Variants in GOLM2 observed in about 807,000 individuals in gnomAD.
GOLM2 encodes the protein protein GOLM2.
A neutral mutation model predicts 55.9 loss-of-function variants in GOLM2; 26 were observed. That is an observed-to-expected ratio of 0.47 (90% confidence interval 0.34 to 0.65). The LOEUF (loss-of-function observed/expected upper bound fraction) is 0.65. Among genes scored for constraint, GOLM2 ranks in the 30% least tolerant of loss-of-function variants. GOLM2 has a pLI of 0.01. For synonymous variants in GOLM2, 165 were observed against 194.6 expected (o/e 0.85, Z 1.27); for missense variants, 486 against 531.8 (o/e 0.91, Z 0.85).
At chr15:44,329,590 CT>C (rs2079007930) in intron 3 of GOLM2, among the ~76,000 whole-genome samples, 1 of 152,062 alleles carries the variant, frequency 6.6e-6, no homozygotes, top group Non-Finnish European at 1.5e-5. Context: ...AGGAGTTTTC[CT>C]TTTCTCACTT....
chr15:44,373,373 C>T (rs982106632), intron 6 of GOLM2, among the ~76,000 whole-genome samples: 11 of 151,374 alleles, frequency 7.3e-5, no homozygotes, highest in Non-Finnish European at 1.2e-4. Flanking sequence ...AGGAGAATGG[C>T]GTGAACCCGG....
At chr15:44,367,455 T>C (rs1313876387) in intron 6 of GOLM2, among the ~76,000 whole-genome samples, 2 of 152,194 alleles carry the variant, frequency 1.3e-5, no homozygotes, top group Non-Finnish European at 2.9e-5. Context: ...TTGCCAGATA[T>C]AGAAATCTGG....
chr15:44,311,042 A>G (rs1351998804), intron 1 of GOLM2, among the ~76,000 whole-genome samples: 1 of 152,000 alleles, frequency 6.6e-6, no homozygotes, highest in African/African-American at 2.4e-5. Context: ...CAAAACGAAC[A>G]AGCAAAAAAC....
At chr15:44,356,288 C>G (rs2079197864) in intron 6 of GOLM2, among the ~76,000 whole-genome samples, 1 of 151,800 alleles carries the variant, frequency 6.6e-6, no homozygotes, top group African/African-American at 2.4e-5. Flanking sequence ...ATCAATGAAA[C>G]CAATAGCTGG....
intron 6 of GOLM2, among the ~76,000 whole-genome samples, chr15:44,369,081 A>G (rs1438664484): frequency 1.4e-5 from 1 of 69,208 alleles, no homozygotes; most frequent in Non-Finnish European, 3.0e-5. Flanking sequence ...ATATATATAT[A>G]TATATATATA....
At chr15:44,309,150 G>T (rs1269058108) in intron 1 of GOLM2, among the ~76,000 whole-genome samples, 3 of 152,190 alleles carry the variant, frequency 2.0e-5, no homozygotes, top group Non-Finnish European at 4.4e-5. Flanking sequence ...AAATGTTGGT[G>T]AGGATGTGGA....
chr15:44,328,899 A>G, intron 3 of GOLM2, 112 bp downstream of exon 3: 1 of 635,988 alleles, frequency 1.6e-6, no homozygotes, highest in Middle Eastern at 4.1e-4. Flanking sequence ...CTCTTCTTTC[A>G]TTTTGTTAAG....
chr15:44,388,271 C>T, intron 8 of GOLM2, among the ~76,000 whole-genome samples: 2 of 112,078 alleles, frequency 1.8e-5, no homozygotes, highest in African/African-American at 8.3e-5. Context: ...AAGACCCTGT[C>T]TCAAAAAAAA....
chr15:44,308,226 C>T (rs1346063023), intron 1 of GOLM2: 1 of 152,160 alleles, frequency 6.6e-6, no homozygotes, highest in East Asian at 1.9e-4. Flanking sequence ...TCCCATTGCC[C>T]TTCCCTCCAG....
chr15:44,380,880 C>G lies in GOLM2; in HGVS notation c.976C>G (p.Pro326Ala). The G allele has an allele frequency of 1.3e-6, 2 of 1,598,554 alleles. No homozygotes were observed. The highest frequency in any genetic ancestry group is 1.7e-6 in the Non-Finnish European group (2 of 1,171,900). The change falls in exon 8 of 10, where the codon CCA becomes GCA. Residue 326 changes from proline to alanine, a missense_variant. Pro to Ala is a conservative substitution (Grantham distance 27). Coordinates refer to ENST00000299957, the MANE Select transcript of GOLM2 (RefSeq NM_138423.4). ...NPSSPLQRLI[P>A]GSNLDSEPRI... Reference sequence around the variant, plus strand: ...TTCCAGTCCTCTTCAGCGTTTAATTCCAGGCTCAAACTTGGACAGTGAACC... The same window carrying G: ...TTCCAGTCCTCTTCAGCGTTTAATTGCAGGCTCAAACTTGGACAGTGAACC...
intron 6 of GOLM2, among the ~76,000 whole-genome samples, chr15:44,371,157 C>G (rs1485384545): frequency 6.6e-6 from 1 of 152,174 alleles, no homozygotes; most frequent in Non-Finnish European, 1.5e-5. Flanking sequence ...TTCTAGCCAC[C>G]TCAGCAGGCC....
At chr15:44,394,355 G>A (rs1287233707) in intron 8 of GOLM2, among the ~76,000 whole-genome samples, 2 of 152,046 alleles carry the variant, frequency 1.3e-5, no homozygotes, top group Non-Finnish European at 2.9e-5. Flanking sequence ...TCATCATTGC[G>A]AACATCATAG....
chr15:44,347,282 A>G (rs1299686721), intron 6 of GOLM2, among the ~76,000 whole-genome samples: 1 of 152,226 alleles, frequency 6.6e-6, no homozygotes, highest in Non-Finnish European at 1.5e-5. Context: ...CAATCACAGT[A>G]CCTGGTTTTA....
At position 44,328,761 on chromosome 15, in the gene GOLM2, C is replaced by A. The variant is rs1442352810; in HGVS notation, c.459C>A (p.Tyr153Ter). The A allele has an allele frequency of 1.2e-6, 2 of 1,609,320 alleles. No individual in the cohort carries two copies. Among genetic ancestry groups the A allele is most frequent in the Non-Finnish European group, 1.7e-6 (2 of 1,178,158 alleles). The change falls in exon 3 of 10, where the codon TAC becomes TAA. Residue 153 changes from tyrosine (Y) to a stop codon, truncating the protein, a stop_gained. Transcript: ENST00000299957. LOFTEE classifies it high-confidence loss of function. ...QLQDYRKNNT[Y>*]LVKRLEYESF... ...AGGACTATAGGAAGAACAATACTTACCTTGTGAAGAGGTTAGAATATGAAA... is the reference window on the plus strand; with the variant it reads ...AGGACTATAGGAAGAACAATACTTAACTTGTGAAGAGGTTAGAATATGAAA...
chr15:44,413,292 G>T, intron 9 of GOLM2, 44 bp from the exon 10 acceptor site: 2 of 1,424,260 alleles, frequency 1.4e-6, no homozygotes, highest in Non-Finnish European at 2.0e-6. Flanking sequence ...TTTCTGCAGT[G>T]ATTTAAAAAA....
At chr15:44,374,143 T>A (rs2079348762) in intron 6 of GOLM2, among the ~76,000 whole-genome samples, 1 of 152,090 alleles carries the variant, frequency 6.6e-6, no homozygotes, top group Non-Finnish European at 1.5e-5. Flanking sequence ...TGTCAAATGA[T>A]TAAATTTCTA....
intron 1 of GOLM2, among the ~76,000 whole-genome samples, chr15:44,302,819 T>A (rs1344340692): frequency 6.6e-6 from 1 of 152,084 alleles, no homozygotes; most frequent in Non-Finnish European, 1.5e-5. Context: ...AAAAATATAG[T>A]CTAGGCTGGG....
intron 8 of GOLM2, among the ~76,000 whole-genome samples, chr15:44,391,159 A>G (rs940278057): frequency 3.9e-5 from 6 of 152,194 alleles, no homozygotes; most frequent in African/African-American, 7.2e-5. Flanking sequence ...TTGATTACTA[A>G]TTCAGGGTCA....
At chr15:44,290,957 C>T (rs1227027432) in intron 1 of GOLM2, among the ~76,000 whole-genome samples, 1 of 152,108 alleles carries the variant, frequency 6.6e-6, no homozygotes, top group Non-Finnish European at 1.5e-5. Flanking sequence ...GCATGCACCA[C>T]CACGCCTGGC....
Sources: allele counts gnomAD v4.1 joint callset (sites outside exome capture counted in the v4.1 genomes callset), GRCh38; gene constraint gnomAD v4.1.1; transcripts MANE v1.5; gene names NCBI Gene and HGNC (gene_info 2026-07-23, HGNC 2026-07-21).